RPRD2: variants seen among roughly 807,000 people sequenced by gnomAD.
RPRD2 encodes the protein regulation of nuclear pre-mRNA domain-containing protein 2.
In RPRD2, 12 loss-of-function variants were observed where a neutral mutation model predicts 104.4. That is an observed-to-expected ratio of 0.11 (90% confidence interval 0.07 to 0.19). The LOEUF (loss-of-function observed/expected upper bound fraction) is 0.19. Ranked by LOEUF, RPRD2 falls within the 10% of genes least tolerant of loss-of-function variation. The probability of loss-of-function intolerance (pLI) is 1.00; values close to 1 mark genes in which losing one functional copy is unlikely to be tolerated. For synonymous variants in RPRD2, 714 were observed against 684.9 expected (o/e 1.04, Z -0.66); for missense variants, 1,543 against 1,790.1 (o/e 0.86, Z 2.49).
chr1:150,472,178 G>A lies in RPRD2; in HGVS notation c.3230G>A (p.Ser1077Asn). The A allele has an allele frequency of 6.2e-7, 1 of 1,613,912 alleles. No individual in the cohort carries two copies. The highest frequency in any genetic ancestry group is 1.1e-5 in the South Asian group (1 of 91,072). Residue 1077 changes from serine to asparagine, a missense_variant, in exon 11 of 11, where the codon AGC (serine) becomes AAC (asparagine). Coordinates refer to ENST00000369068, the MANE Select transcript of RPRD2 (RefSeq NM_015203.5). ...VSSSCLDLPD[S>N]TEEKGAPIET... ...TCCTCCTGCTTAGACTTGCCTGATA[G>A]CACAGAAGAAAAGGGGGCCCCTATA...
intron 1 of RPRD2, among the ~76,000 whole-genome samples, chr1:150,373,876 T>C (rs1158626987): frequency 6.6e-6 from 1 of 151,282 alleles, no homozygotes; most frequent in African/African-American, 2.4e-5. Context: ...TCTAGTAAGA[T>C]AGAGCAGCAA....
Position 150,400,917 on chromosome 1 carries a change from G to A in RPRD2, c.206-16679G>A, listed in dbSNP as rs587686332. The stretch of plus-strand genomic sequence containing the variant: ...AAGAGGGCTGGGCGCGGTGGCTCAC[G>A]CTGGCTCCCAGCACTTTGGGAGGCC... On this transcript the variant is annotated intron_variant, in intron 1 of 10. Coordinates refer to ENST00000369068, the MANE Select transcript of RPRD2 (RefSeq NM_015203.5). Among the ~76,000 whole-genome samples the A allele has an allele frequency of 2.0e-3, 303 of 151,758 alleles. 2 individuals are homozygous for A. Among genetic ancestry groups the A allele is most frequent in the African/African-American group, 7.0e-3 (289 of 41,398 alleles).
At chr1:150,387,539 A>G (rs1661656097) in intron 1 of RPRD2, among the ~76,000 whole-genome samples, 1 of 147,026 alleles carries the variant, frequency 6.8e-6, no homozygotes, top group African/African-American at 2.5e-5. Flanking sequence ...CAGAAATACA[A>G]CTAAATCTTA....
intron 1 of RPRD2, among the ~76,000 whole-genome samples, chr1:150,412,108 G>A (rs1663981671): frequency 1.3e-5 from 2 of 151,964 alleles, no homozygotes; most frequent in Admixed American, 6.6e-5. Context: ...GGGCGATAGA[G>A]TGAGACTAAG....
chr1:150,385,964 T>C (rs1324212603), intron 1 of RPRD2, among the ~76,000 whole-genome samples: 4 of 152,004 alleles, frequency 2.6e-5, no homozygotes, highest in African/African-American at 9.7e-5. Context: ...GTTTCCTGAG[T>C]TGAGTAATAA....
chr1:150,446,067 C>CA (rs5777728), intron 6 of RPRD2, among the ~76,000 whole-genome samples, 159 bp from the exon 7 acceptor site: 7,105 of 93,168 alleles, frequency 0.076, 525 homozygotes, highest in African/African-American at 0.19. Flanking sequence ...GACTCCGTCT[C>CA]AAAAAAAAAA....
chr1:150,398,918 G>T (rs11582094), intron 1 of RPRD2, among the ~76,000 whole-genome samples: 26,843 of 152,032 alleles, frequency 0.18, 3,075 homozygotes, highest in African/African-American at 0.31. Context: ...GTTAACAGAT[G>T]ATATTTTCGT....
intron 2 of RPRD2, among the ~76,000 whole-genome samples, chr1:150,435,915 T>C (rs1280578706): frequency 1.3e-5 from 2 of 152,220 alleles, no homozygotes; most frequent in Non-Finnish European, 2.9e-5. Context: ...AGGCTGACTC[T>C]CTTGTTAGGA....
chr1:150,379,614 C>T (rs1660981982), intron 1 of RPRD2, among the ~76,000 whole-genome samples: 1 of 152,080 alleles, frequency 6.6e-6, no homozygotes, highest in Non-Finnish European at 1.5e-5. Context: ...GTTGGTCAGG[C>T]TGGTCTCGAA....
At chr1:150,402,542 G>A (rs1553885635) in intron 1 of RPRD2, among the ~76,000 whole-genome samples, 6 of 152,062 alleles carry the variant, frequency 3.9e-5, no homozygotes, top group Non-Finnish European at 8.8e-5. Context: ...CACATGTGGT[G>A]GCACATGCCT....
At position 150,396,305 on chromosome 1, in the gene RPRD2, C is replaced by G. The variant is rs587680845; in HGVS notation, c.206-21291C>G. On this transcript the variant is annotated intron_variant, in intron 1 of 10. Transcript: ENST00000369068. The stretch of plus-strand genomic sequence containing the variant: ...GATTTTCTCCCACTCTGTGGATTGT[C>G]TGTTTACTCTTGCTGACTGTTCCTT... 6.9e-4 allele frequency among the ~76,000 whole-genome samples: 104 copies of G among 151,084 alleles called. No individual in the cohort carries two copies. In the Middle Eastern group the frequency reaches 0.014, roughly 20 times the overall value.
intron 1 of RPRD2, among the ~76,000 whole-genome samples, chr1:150,397,070 T>G (rs1257216461): frequency 2.0e-5 from 3 of 152,134 alleles, no homozygotes; most frequent in Non-Finnish European, 4.4e-5. Context: ...GCCTCCCAGA[T>G]TCAAGCAATT....
intron 1 of RPRD2, among the ~76,000 whole-genome samples, chr1:150,378,401 C>G (rs1229633099): frequency 4.6e-5 from 7 of 152,152 alleles, no homozygotes; most frequent in Admixed American, 4.6e-4. Flanking sequence ...AGGTTGCAAA[C>G]TTAAGCAGTC....
chr1:150,445,012 C>A (rs1361952655), intron 6 of RPRD2, among the ~76,000 whole-genome samples: 1 of 151,996 alleles, frequency 6.6e-6, no homozygotes, highest in African/African-American at 2.4e-5. Flanking sequence ...CATAGTGAGA[C>A]CCTGTCTCTA....
At position 150,446,320 on chromosome 1, in the gene RPRD2, C is replaced by T. The variant is rs16836943; in HGVS notation, c.789C>T (p.Asn263=). 24,500 of 1,612,072 alleles carry T rather than the reference C, an allele frequency of 0.015. 1,679 individuals are homozygous for T. The highest frequency in any genetic ancestry group is 0.14 in the Admixed American group (8,176 of 59,098). Residue 263 remains asparagine (N), a synonymous_variant, in exon 7 of 11, where the codon AAC becomes AAT. Transcript: ENST00000369068. The part of the protein sequence containing the change: ...FVNGLDKQVK[N]GPSLTEALEN... Reference sequence around the variant, plus strand: ...ATGGATTAGATAAGCAGGTGAAAAACGGACCCTCATTAACAGAAGCACTGG... The same window carrying T: ...ATGGATTAGATAAGCAGGTGAAAAATGGACCCTCATTAACAGAAGCACTGG...
chr1:150,400,821 C>A, intron 1 of RPRD2, among the ~76,000 whole-genome samples: 1 of 151,778 alleles, frequency 6.6e-6, no homozygotes, highest in East Asian at 1.9e-4. Flanking sequence ...TTCTAGTTTT[C>A]TGAGACTTTT....
intron 2 of RPRD2, among the ~76,000 whole-genome samples, chr1:150,437,460 G>T (rs1428379973): frequency 6.6e-6 from 1 of 152,158 alleles, no homozygotes; most frequent in Non-Finnish European, 1.5e-5. Context: ...TCAGATGATT[G>T]TTAAGAGTTT....
chr1:150,452,141 CAAAA>C (rs34342843), intron 7 of RPRD2, among the ~76,000 whole-genome samples: 6 of 110,946 alleles, frequency 5.4e-5, no homozygotes, highest in African/African-American at 1.0e-4. Flanking sequence ...GACTCTGTCT[CAAAA>C]AAAAAAAAAA....
chr1:150,380,679 G>A (rs1430717660), intron 1 of RPRD2, among the ~76,000 whole-genome samples: 3 of 150,864 alleles, frequency 2.0e-5, no homozygotes, highest in Non-Finnish European at 2.9e-5. Context: ...TTTTTGGGAC[G>A]GAGTCTCTCT....
Sources: allele counts gnomAD v4.1 joint callset (sites outside exome capture counted in the v4.1 genomes callset), GRCh38; gene constraint gnomAD v4.1.1; transcripts MANE v1.5; gene names NCBI Gene and HGNC (gene_info 2026-07-23, HGNC 2026-07-21).